The following ERBB4 variants were observed in gnomAD, a reference collection of about 807,000 sequenced individuals.
ERBB4 encodes receptor tyrosine-protein kinase erbB-4.
Under a neutral mutation model 158.0 loss-of-function variants are expected in ERBB4, and 42 were observed. That is an observed-to-expected ratio of 0.27 (90% CI 0.21 to 0.34). ERBB4 has a LOEUF of 0.34. Among genes scored for constraint, ERBB4 ranks in the 10% least tolerant of loss-of-function variants. The pLI is 1.00. For missense variants in ERBB4, 1,333 were observed against 1,624.1 expected, an observed-to-expected ratio of 0.82 and a Z score of 3.08; for synonymous variants, 583 against 558.7, an observed-to-expected ratio of 1.04 and a Z score of -0.61.
rs1559293620 is a variant in ERBB4 at position 212,003,198 on chromosome 2, A to AAAGAAAGAAAGAAAGAAAGAAAGG, written c.235-55583_235-55582insCCTTTCTTTCTTTCTTTCTTTCTT. On this transcript the variant is annotated intron_variant, in intron 2 of 27. Transcript: ENST00000342788. ...GAAAGAAAGAAAGAAAGAAAGAAAG[A>AAAGAAAGAAAGAAAGAAAGAAAGG]AAGAAAGACAGAAAGAAGGAAGGAA... Among the ~76,000 whole-genome samples the AAAGAAAGAAAGAAAGAAAGAAAGG allele has an allele frequency of 1.7e-3, 99 of 58,744 alleles. 2 individuals carry two copies. Among genetic ancestry groups the AAAGAAAGAAAGAAAGAAAGAAAGG allele is most frequent in the East Asian group, 8.0e-3 (14 of 1,758 alleles). The allele number at this position is 58,744 out of a possible 152,430, so 38.5% of individuals were successfully genotyped here.
chr2:211,592,186 C>T (rs984438921), intron 19 of ERBB4, among the ~76,000 whole-genome samples: 2 of 58,748 alleles, frequency 3.4e-5, no homozygotes, highest in East Asian at 9.2e-4. Context: ...GCCCGGTAGA[C>T]GCAGGGCTTT....
chr2:211,566,604 A>G (rs1559302384), intron 19 of ERBB4, among the ~76,000 whole-genome samples: 1 of 152,182 alleles, frequency 6.6e-6, no homozygotes, highest in South Asian at 2.1e-4. Flanking sequence ...TAAATGATCT[A>G]TTATTACCTA....
At chr2:211,537,856 G>A (rs773177517) in intron 20 of ERBB4, among the ~76,000 whole-genome samples, 26 of 151,960 alleles carry the variant, frequency 1.7e-4, no homozygotes, top group African/African-American at 3.6e-4. Flanking sequence ...AGAAACTTCC[G>A]TATAAATTTC....
At chr2:212,151,843 T>G (rs556164394) in intron 1 of ERBB4, among the ~76,000 whole-genome samples, 1 of 152,174 alleles carries the variant, frequency 6.6e-6, no homozygotes, top group South Asian at 2.1e-4. Context: ...GAGCTGAGAT[T>G]GCACCACTGC....
At chr2:212,111,156 A>C (rs536789983) in intron 2 of ERBB4, among the ~76,000 whole-genome samples, 3 of 152,306 alleles carry the variant, frequency 2.0e-5, no homozygotes, top group African/African-American at 7.2e-5. Flanking sequence ...AATGTCCCAG[A>C]CTGGAGATCT....
chr2:212,119,101 T>C (rs776384624), intron 2 of ERBB4, among the ~76,000 whole-genome samples: 44 of 152,068 alleles, frequency 2.9e-4, no homozygotes, highest in Admixed American at 6.6e-4. Context: ...ATTGTAACTA[T>C]TCCACATCCA....
At chr2:211,610,421 G>A (rs200032516) in intron 19 of ERBB4, among the ~76,000 whole-genome samples, 169 of 152,144 alleles carry the variant, frequency 1.1e-3, no homozygotes, top group African/African-American at 3.7e-3. Flanking sequence ...AAACCATTGA[G>A]GTTTGACATA....
intron 1 of ERBB4, among the ~76,000 whole-genome samples, chr2:212,347,490 CTTTAT>C (rs2089062714): frequency 6.6e-6 from 1 of 152,078 alleles, no homozygotes; most frequent in Non-Finnish European, 1.5e-5. Flanking sequence ...AATAGTGTGA[CTTTAT>C]TTAATTGTTA....
At chr2:212,188,671 G>C (rs1575772324) in intron 1 of ERBB4, among the ~76,000 whole-genome samples, 1 of 151,722 alleles carries the variant, frequency 6.6e-6, no homozygotes, top group Non-Finnish European at 1.5e-5. Flanking sequence ...ATCTAGCTGT[G>C]TCTTTTACCT....
intron 1 of ERBB4, among the ~76,000 whole-genome samples, chr2:212,418,279 T>C (rs1038083604): frequency 1.3e-5 from 2 of 151,964 alleles, no homozygotes; most frequent in African/African-American, 2.4e-5. Flanking sequence ...GAAATACTTA[T>C]TAATATTGTA....
rs182649637 is a variant in ERBB4, at chr2:211,942,600, C to T, written c.421+4830G>A. Among the ~76,000 whole-genome samples the T allele has an allele frequency of 4.7e-4, 71 of 152,118 alleles. 1 individual carries two copies. Among genetic ancestry groups the T allele is most frequent in the South Asian group, 1.7e-3 (8 of 4,826 alleles). On this transcript the variant is annotated intron_variant, in intron 3 of 27. Transcript: ENST00000342788. ...TATTGAGGGCTTCTAGGTATAACTT[C>T]GGTATTCTACTTTTTGTTTTAAATT...
chr2:211,656,628 C>A (rs997630594), intron 16 of ERBB4, among the ~76,000 whole-genome samples: 2 of 152,196 alleles, frequency 1.3e-5, no homozygotes, highest in African/African-American at 4.8e-5. Flanking sequence ...CTTCCCTTTT[C>A]CAGTCAACCT....
chr2:211,898,534 C>T (rs551725651), intron 3 of ERBB4, among the ~76,000 whole-genome samples: 4 of 152,154 alleles, frequency 2.6e-5, no homozygotes, highest in Admixed American at 6.5e-5. Context: ...AACTATTTGA[C>T]GTCTATTCAA....
chr2:211,685,734 G>C (rs1055980169), intron 12 of ERBB4, among the ~76,000 whole-genome samples: 2 of 152,102 alleles, frequency 1.3e-5, no homozygotes, highest in Non-Finnish European at 2.9e-5. Context: ...TTATGATTTT[G>C]AGCTATTCAA....
intron 19 of ERBB4, among the ~76,000 whole-genome samples, chr2:211,585,532 G>A (rs2068250949): frequency 2.0e-5 from 3 of 151,912 alleles, no homozygotes; most frequent in African/African-American, 7.3e-5. Context: ...ATTTTTAAAA[G>A]TCAGAATATT....
At chr2:212,137,555 T>G (rs1397870080) in intron 1 of ERBB4, among the ~76,000 whole-genome samples, 1 of 152,224 alleles carries the variant, frequency 6.6e-6, no homozygotes, top group East Asian at 1.9e-4. Flanking sequence ...TATGTACATT[T>G]TCTTTATGCA....
chr2:212,191,938 T>C (rs1347714761), intron 1 of ERBB4, among the ~76,000 whole-genome samples: 1 of 143,282 alleles, frequency 7.0e-6, no homozygotes, highest in African/African-American at 2.5e-5. Flanking sequence ...ATATTATATA[T>C]GATGCATATG....
chr2:211,678,498 T>A (rs1040811954), intron 13 of ERBB4, among the ~76,000 whole-genome samples: 1 of 152,156 alleles, frequency 6.6e-6, no homozygotes, highest in African/African-American at 2.4e-5. Context: ...ATAATAAGAA[T>A]TGTCTGAGTA....
At chr2:212,341,694 A>G (rs1191908424) in intron 1 of ERBB4, among the ~76,000 whole-genome samples, 1 of 152,086 alleles carries the variant, frequency 6.6e-6, no homozygotes, top group Non-Finnish European at 1.5e-5. Flanking sequence ...CAATTTCTTT[A>G]TTTAGTTATT....
Sources: allele counts gnomAD v4.1 joint callset (sites outside exome capture counted in the v4.1 genomes callset), GRCh38; gene constraint gnomAD v4.1.1; transcripts MANE v1.5; gene names NCBI Gene and HGNC (gene_info 2026-07-23, HGNC 2026-07-21).